Variants in PDGFD observed in about 807,000 individuals in gnomAD.
PDGFD encodes the protein platelet-derived growth factor D.
Under a neutral mutation model 44.7 loss-of-function variants are expected in PDGFD, and 30 were observed. The observed-to-expected ratio is 0.67, with a 90% CI of 0.50 to 0.91. The LOEUF (loss-of-function observed/expected upper bound fraction) is 0.91. Among genes scored for constraint, PDGFD ranks in the 40% least tolerant of loss-of-function variants. PDGFD has a pLI of 0.00. For missense variants in PDGFD, 445 were observed against 457.8 expected (o/e 0.97, Z 0.25); for synonymous variants, 173 against 168.4 (o/e 1.03, Z -0.21).
At chr11:104,132,507 T>G (rs923292958) in intron 1 of PDGFD, among the ~76,000 whole-genome samples, 2 of 152,086 alleles carry the variant, frequency 1.3e-5, no homozygotes, top group Admixed American at 6.5e-5. Flanking sequence ...TCTTTCACAG[T>G]GATTTCTTCC....
intron 1 of PDGFD, among the ~76,000 whole-genome samples, chr11:104,137,266 T>C (rs1862021006): frequency 6.6e-6 from 1 of 152,156 alleles, no homozygotes; most frequent in African/African-American, 2.4e-5. Context: ...ATAAATAAAA[T>C]GTTATGGCAT....
In PDGFD at chr11:103,960,620, A is replaced by G. The variant is rs560414210; in HGVS notation, c.511-12896T>C. Among the ~76,000 whole-genome samples, 17 of 152,320 alleles carry G rather than the reference A, an allele frequency of 1.1e-4. No homozygotes were observed. The East Asian group carries it at 1.5e-3, about 14-fold the overall frequency. The stretch of plus-strand genomic sequence containing the variant: ...TTAATTCTAATGTCCTACTCTTGTC[A>G]TTCCTTTTTGTATCAGCAACTTTAA... On this transcript the variant is annotated intron_variant, in intron 3 of 6. Coordinates refer to ENST00000393158, the MANE Select transcript of PDGFD (RefSeq NM_025208.5).
chr11:104,006,019 T>C (rs1340850541), intron 1 of PDGFD, among the ~76,000 whole-genome samples: 1 of 152,256 alleles, frequency 6.6e-6, no homozygotes, highest in African/African-American at 2.4e-5. Flanking sequence ...CAAAATGTTA[T>C]ATAATTGTCT....
chr11:103,991,987 T>A (rs934635986), intron 3 of PDGFD, among the ~76,000 whole-genome samples: 2 of 152,222 alleles, frequency 1.3e-5, no homozygotes, highest in Non-Finnish European at 2.9e-5. Context: ...TACTCAGTAG[T>A]CTTCTCAGAA....
At chr11:104,116,280 A>T (rs1397312413) in intron 1 of PDGFD, among the ~76,000 whole-genome samples, 1 of 152,026 alleles carries the variant, frequency 6.6e-6, no homozygotes, top group African/African-American at 2.4e-5. Context: ...CAATTTGTTG[A>T]ATAGGGTGTC....
intron 1 of PDGFD, among the ~76,000 whole-genome samples, chr11:104,085,716 C>G (rs779277945): frequency 1.3e-5 from 2 of 152,058 alleles, no homozygotes; most frequent in Non-Finnish European, 2.9e-5. Context: ...TTTTGCACAT[C>G]TTTTCAATGT....
intron 1 of PDGFD, among the ~76,000 whole-genome samples, chr11:104,006,214 G>A (rs145705468): frequency 6.6e-6 from 1 of 152,234 alleles, no homozygotes; most frequent in Non-Finnish European, 1.5e-5. Context: ...TAAATTCTCA[G>A]GTCCTACTCC....
intron 1 of PDGFD, among the ~76,000 whole-genome samples, chr11:104,108,838 T>C (rs1861505655): frequency 6.6e-6 from 1 of 152,110 alleles, no homozygotes. Context: ...TAAGAAAATG[T>C]GGCACATATA....
intron 1 of PDGFD, among the ~76,000 whole-genome samples, chr11:104,131,646 A>G (rs1163269385): frequency 2.6e-5 from 4 of 152,020 alleles, no homozygotes; most frequent in Non-Finnish European, 5.9e-5. Context: ...TCAGGATGCA[A>G]TGTCTCTGTC....
At chr11:104,141,533 C>T (rs1483393280) in intron 1 of PDGFD, among the ~76,000 whole-genome samples, 1 of 151,910 alleles carries the variant, frequency 6.6e-6, no homozygotes, top group Admixed American at 6.6e-5. Flanking sequence ...CTCCTTAGCT[C>T]AAGAAATCCT....
rs1166731861 is a variant in PDGFD at position 104,047,140 on chromosome 11, T to C, written c.125-46885A>G. 2.0e-5 allele frequency among the ~76,000 whole-genome samples: 3 copies of C among 147,654 alleles called. 1 individual carries two copies. Among genetic ancestry groups the C allele is most frequent in the Non-Finnish European group, 4.5e-5 (3 of 66,058 alleles). ...CACATTTTCTTCGTCCAGTCTATCA[T>C]TGATGGGCATTTGGGTTGGTTCCAA... is the stretch of plus-strand genomic sequence containing the variant. On this transcript the variant is annotated intron_variant, in intron 1 of 6. Transcript: ENST00000393158.
chr11:104,082,862 T>C (rs1459366763), intron 1 of PDGFD, among the ~76,000 whole-genome samples: 2 of 152,016 alleles, frequency 1.3e-5, no homozygotes, highest in Non-Finnish European at 2.9e-5. Context: ...AAAGTGATCC[T>C]CCCTCCTTGG....
chr11:104,119,658 TAATTA>T (rs1169946973), intron 1 of PDGFD, among the ~76,000 whole-genome samples: 2 of 3,502 alleles, frequency 5.7e-4, no homozygotes, highest in Non-Finnish European at 0.017. Context: ...TAGATATATA[TAATTA>T]TATATCGATA....
At chr11:104,023,146 A>C (rs1859989335) in intron 1 of PDGFD, among the ~76,000 whole-genome samples, 1 of 152,164 alleles carries the variant, frequency 6.6e-6, no homozygotes, top group Non-Finnish European at 1.5e-5. Context: ...AAAATCTGCT[A>C]TAACTATGAC....
chr11:104,045,113 A>C (rs759255278), intron 1 of PDGFD, among the ~76,000 whole-genome samples: 41 of 152,164 alleles, frequency 2.7e-4, no homozygotes, highest in Non-Finnish European at 5.3e-4. Context: ...GCAAACCAGA[A>C]TGGCTGGTCA....
chr11:104,160,769 A>G (rs1203540757), intron 1 of PDGFD, among the ~76,000 whole-genome samples: 1 of 152,164 alleles, frequency 6.6e-6, no homozygotes, highest in African/African-American at 2.4e-5. Flanking sequence ...TACAGGTAGA[A>G]AGGCTCTGCA....
chr11:104,112,147 G>T (rs1490821490), intron 1 of PDGFD, among the ~76,000 whole-genome samples: 2 of 152,138 alleles, frequency 1.3e-5, no homozygotes, highest in Non-Finnish European at 2.9e-5. Flanking sequence ...TGCAGAAATA[G>T]TAAGATTAAA....
chr11:104,098,978 T>C (rs201672339), intron 1 of PDGFD, among the ~76,000 whole-genome samples: 3 of 13,896 alleles, frequency 2.2e-4, no homozygotes, highest in Non-Finnish European at 5.5e-4. Flanking sequence ...AAAATCACTT[T>C]CTTAGTTAAA....
chr11:104,003,186 A>G (rs931681735), intron 1 of PDGFD, among the ~76,000 whole-genome samples: 8 of 152,258 alleles, frequency 5.3e-5, no homozygotes, highest in Admixed American at 2.6e-4. Context: ...GTGGTTGCTC[A>G]AAGGCCAGGT....
Sources: gnomAD v4.1 joint callset for allele counts (sites outside exome capture counted in the v4.1 genomes callset) on GRCh38, gnomAD v4.1.1 for gene constraint, MANE v1.5 for transcripts, NCBI Gene and HGNC (gene_info 2026-07-23, HGNC 2026-07-21) for gene names.